Variants in LGR4 observed in about 807,000 individuals in gnomAD.
LGR4 encodes leucine-rich repeat-containing G protein-coupled receptor 4.
In LGR4, 44 loss-of-function variants were observed where a neutral mutation model predicts 84.8. The observed-to-expected ratio is 0.52, with a 90% CI of 0.41 to 0.67. The LOEUF (loss-of-function observed/expected upper bound fraction) is 0.67, where lower values mean the gene tolerates loss of function less well. Ranked by LOEUF, LGR4 falls within the 30% of genes least tolerant of loss-of-function variation. The probability of loss-of-function intolerance (pLI) is 0.00; values close to 1 mark genes in which losing one functional copy is unlikely to be tolerated. For synonymous variants in LGR4, 429 were observed against 434.3 expected (o/e 0.99, Z 0.15); for missense variants, 1,032 against 1,131.4 (o/e 0.91, Z 1.26).
intron 1 of LGR4, among the ~76,000 whole-genome samples, chr11:27,434,279 G>A (rs1864168162): frequency 6.6e-6 from 1 of 152,202 alleles, no homozygotes. Context: ...AACCTGAAGA[G>A]CTCTCATGTA....
chr11:27,418,008 C>A lies in LGR4; in HGVS notation c.186-5148G>T, dbSNP rs185483528. 4.6e-5 allele frequency among the ~76,000 whole-genome samples: 7 copies of A among 152,240 alleles called. No individual in the cohort carries two copies. In the East Asian group the frequency reaches 1.4e-3, roughly 29 times the overall value. ...AGAGGTTAATTAAGGGCTTCCTTTACAAGAGGGAAAGGAGATATCCTGTCA... is the reference window on the plus strand; with the variant it reads ...AGAGGTTAATTAAGGGCTTCCTTTAAAAGAGGGAAAGGAGATATCCTGTCA... On this transcript the variant is annotated intron_variant, in intron 1 of 17. Transcript: ENST00000379214.
intron 1 of LGR4, among the ~76,000 whole-genome samples, chr11:27,447,312 T>A (rs900558979): frequency 2.0e-5 from 3 of 152,164 alleles, no homozygotes; most frequent in Admixed American, 6.6e-5. Context: ...ATAAAGAAGC[T>A]GGCCAAAACC....
rs759255815 is a variant in LGR4 at position 27,396,367 on chromosome 11, G to A, written c.258-3849C>T. 4.6e-5 allele frequency among the ~76,000 whole-genome samples: 7 copies of A among 152,196 alleles called. No individual in the cohort carries two copies. In the South Asian group the frequency reaches 6.2e-4, roughly 14 times the overall value. ...ATTAGGAGCCCAGAACTGCAGTTAC[G>A]GAGAAGTTCCTAACAGACCTACAGT... On this transcript the variant is annotated intron_variant, in intron 2 of 17. Transcript: ENST00000379214.
chr11:27,372,337 T>G lies in LGR4; in HGVS notation c.1441A>C (p.Asn481His). ...CAFWGCDSYA[N>H]LNTEDNSLQD... is the part of the protein sequence containing the mutation. ...AGGCTGTTATCTTCTGTGTTTAAAT[T>G]TGCATAAGAGTCACAACCCCAAAAT... The change falls in exon 16 of 18, where the codon AAT becomes CAT. Residue 481 changes from asparagine to histidine, a missense_variant. Physicochemically the swap from Asn to His is moderately conservative, Grantham distance 68 (BLOSUM62 1). Transcript: ENST00000379214. 1 of 1,613,936 alleles carries G rather than the reference T, an allele frequency of 6.2e-7. No homozygotes were observed. The highest frequency in any genetic ancestry group is 1.3e-5 in the African/African-American group (1 of 75,028).
intron 2 of LGR4, among the ~76,000 whole-genome samples, chr11:27,395,952 G>GA (rs1410689082): frequency 6.6e-6 from 1 of 152,072 alleles, no homozygotes; most frequent in African/African-American, 2.4e-5. Flanking sequence ...GCAAGGTTAG[G>GA]AAAAAAATCC....
chr11:27,379,206 T>C (rs1323120409), intron 10 of LGR4: 1 of 169,630 alleles, frequency 5.9e-6, no homozygotes, highest in Non-Finnish European at 1.2e-5. Context: ...TTCTGTAGTC[T>C]ATCACCAGTT....
chr11:27,448,014 T>C (rs1183801622), intron 1 of LGR4, among the ~76,000 whole-genome samples: 9 of 152,232 alleles, frequency 5.9e-5, no homozygotes, highest in Admixed American at 5.9e-4. Context: ...TCCAGGTCTA[T>C]ATCCTGTGGT....
Position 27,472,487 on chromosome 11 carries a change from A to G in LGR4, c.-185T>C, listed in dbSNP as rs548145020. 7.7e-5 allele frequency: 31 copies of G among 403,350 alleles called. No individual in the cohort carries two copies. Among genetic ancestry groups the G allele is most frequent in the Admixed American group, 3.6e-4 (8 of 22,208 alleles). The allele number at this position is 403,350 out of a possible 1,614,324, so 25.0% of individuals were successfully genotyped here. On this transcript the variant is annotated 5_prime_UTR_variant, in exon 1 of 18. Coordinates refer to ENST00000379214, the MANE Select transcript of LGR4 (RefSeq NM_018490.5). ...GCGGCGCAGGGACGCGGCGCTCCGG[A>G]GTTTCGCCCTTCCCGCTGCTCCATG...
chr11:27,459,242 T>C (rs1167734232), intron 1 of LGR4, among the ~76,000 whole-genome samples: 5 of 152,212 alleles, frequency 3.3e-5, no homozygotes, highest in Non-Finnish European at 7.3e-5. Context: ...TTGCTTCCTT[T>C]TAGATAAATC....
At chr11:27,413,544 G>A (rs180692891) in intron 1 of LGR4, among the ~76,000 whole-genome samples, 158 of 152,248 alleles carry the variant, frequency 1.0e-3, no homozygotes, top group African/African-American at 3.6e-3. Flanking sequence ...CCTGGCAGCT[G>A]CCTTTTGAAC....
At chr11:27,371,960 G>A (rs949943279) in intron 16 of LGR4, among the ~76,000 whole-genome samples, 2 of 152,052 alleles carry the variant, frequency 1.3e-5, no homozygotes, top group Non-Finnish European at 2.9e-5. Context: ...CCTGGGCTCC[G>A]CTCAAAGGAT....
chr11:27,390,681 C>G (rs1175033805), intron 4 of LGR4, among the ~76,000 whole-genome samples: 3 of 152,100 alleles, frequency 2.0e-5, no homozygotes, highest in Non-Finnish European at 4.4e-5. Flanking sequence ...CCGAGAAGTT[C>G]CCTTGACAAA....
chr11:27,454,639 T>C (rs1025077318), intron 1 of LGR4, among the ~76,000 whole-genome samples: 1 of 151,778 alleles, frequency 6.6e-6, no homozygotes, highest in African/African-American at 2.4e-5. Flanking sequence ...CATGCACCTG[T>C]AATCCCAGCT....
intron 2 of LGR4, among the ~76,000 whole-genome samples, chr11:27,412,044 T>C (rs576420812): frequency 5.9e-5 from 9 of 152,252 alleles, no homozygotes; most frequent in African/African-American, 1.9e-4. Context: ...ATTAACTTAA[T>C]TCAAGTCGAT....
intron 6 of LGR4, among the ~76,000 whole-genome samples, chr11:27,383,693 C>T (rs2133371970): frequency 6.6e-6 from 1 of 152,258 alleles, no homozygotes; most frequent in East Asian, 1.9e-4. Flanking sequence ...ATCATTTACT[C>T]ATCACAACAG....
chr11:27,409,029 T>C (rs890652154), intron 2 of LGR4, among the ~76,000 whole-genome samples: 3 of 151,928 alleles, frequency 2.0e-5, no homozygotes, highest in Admixed American at 1.3e-4. Flanking sequence ...TTATGAACTA[T>C]AAAACTTTCA....
At chr11:27,434,029 T>C (rs10835179) in intron 1 of LGR4, among the ~76,000 whole-genome samples, 145,908 of 152,236 alleles carry the variant, frequency 0.96, 70,167 homozygotes, top group East Asian at 1. Flanking sequence ...CTCCCCTACC[T>C]CAGGGCTGGG....
intron 1 of LGR4, among the ~76,000 whole-genome samples, chr11:27,442,678 A>C (rs1864323541): frequency 6.6e-6 from 1 of 152,260 alleles, no homozygotes; most frequent in Non-Finnish European, 1.5e-5. Context: ...TATGACAATC[A>C]TTCACAAAGA....
chr11:27,469,264 A>G (rs181892383), intron 1 of LGR4, among the ~76,000 whole-genome samples: 1 of 152,308 alleles, frequency 6.6e-6, no homozygotes, highest in East Asian at 1.9e-4. Flanking sequence ...GGAAATAGAC[A>G]CTGTTAGACT....
Sources: gnomAD v4.1 joint callset for allele counts (sites outside exome capture counted in the v4.1 genomes callset) on GRCh38, gnomAD v4.1.1 for gene constraint, MANE v1.5 for transcripts, NCBI Gene and HGNC (gene_info 2026-07-23, HGNC 2026-07-21) for gene names.